The following MAML2 variants were observed in gnomAD, a reference collection of about 807,000 sequenced individuals.
MAML2 encodes mastermind-like protein 2.
MAML2 carries 22 observed loss-of-function variants against 96.1 expected under a neutral mutation model. The ratio of observed to expected loss-of-function variants is 0.23; its 90% CI spans 0.16 to 0.33. MAML2 has a LOEUF of 0.33. Ranked by LOEUF, MAML2 falls within the 10% of genes least tolerant of loss-of-function variation. The pLI, the probability that MAML2 is intolerant of heterozygous loss-of-function variation, is 1.00. For synonymous variants in MAML2, 561 were observed against 521.3 expected (o/e 1.08, Z -1.04); for missense variants, 1,367 against 1,392.4 (o/e 0.98, Z 0.29).
intron 2 of MAML2, among the ~76,000 whole-genome samples, chr11:96,044,782 T>C (rs1366933269): frequency 1.3e-5 from 2 of 152,196 alleles, no homozygotes; most frequent in Non-Finnish European, 2.9e-5. Flanking sequence ...GTCTCACCTA[T>C]TTGGAAATGA....
intron 2 of MAML2, among the ~76,000 whole-genome samples, chr11:96,011,015 G>C (rs1858257429): frequency 6.6e-6 from 1 of 152,120 alleles, no homozygotes; most frequent in East Asian, 1.9e-4. Flanking sequence ...TTCAAAAATG[G>C]TTATGCTTAC....
intron 2 of MAML2, among the ~76,000 whole-genome samples, chr11:96,021,713 C>T (rs1858438112): frequency 6.6e-6 from 1 of 152,190 alleles, no homozygotes; most frequent in Admixed American, 6.5e-5. Context: ...ACCCCTTTCC[C>T]CCATCGTGCA....
intron 2 of MAML2, among the ~76,000 whole-genome samples, chr11:96,032,202 G>C (rs1460235064): frequency 6.6e-6 from 1 of 151,956 alleles, no homozygotes; most frequent in Non-Finnish European, 1.5e-5. Context: ...AGCCACTTTG[G>C]AGAACAGGTT....
intron 1 of MAML2, among the ~76,000 whole-genome samples, chr11:96,164,921 A>G (rs1861168233): frequency 6.6e-6 from 1 of 152,220 alleles, no homozygotes; most frequent in Admixed American, 6.5e-5. Flanking sequence ...ATATATTTCC[A>G]TAAATGTCTT....
rs146014693 is a variant in MAML2, at chr11:96,283,532, T to C, written c.513+57851A>G. Among the ~76,000 whole-genome samples the C allele has an allele frequency of 1.4e-4, 21 of 152,338 alleles. No homozygotes were observed. In the East Asian group the frequency reaches 1.9e-3, roughly 14 times the overall value. ...CACTAATGAATGATTCCTTTTGCCTTGAAGAACTAAAAATTTCTTAGTTGA... is the reference window on the plus strand; with the variant it reads ...CACTAATGAATGATTCCTTTTGCCTCGAAGAACTAAAAATTTCTTAGTTGA... On this transcript the variant is annotated intron_variant, in intron 1 of 4. Coordinates refer to ENST00000524717, the MANE Select transcript of MAML2 (RefSeq NM_032427.4).
intron 1 of MAML2, among the ~76,000 whole-genome samples, chr11:96,299,848 T>A (rs7117627): frequency 0.16 from 23,979 of 152,096 alleles, 2,111 homozygotes; most frequent in East Asian, 0.25. Flanking sequence ...TGACTACCCG[T>A]ACTGAAATCC....
chr11:96,104,283 G>A lies in MAML2; in HGVS notation c.514-10766C>T, dbSNP rs182406455. 1.9e-3 allele frequency among the ~76,000 whole-genome samples: 293 copies of A among 152,240 alleles called. 2 individuals carry two copies. Among genetic ancestry groups the A allele is most frequent in the Non-Finnish European group, 3.0e-3 (202 of 68,008 alleles). ...ATCCAAATAAATATAAAATAAAAAA[G>A]ATTATTTAAAGCAAATAAAAATGTG... On this transcript the variant is annotated intron_variant, in intron 1 of 4. Transcript: ENST00000524717.
At chr11:96,201,735 C>A (rs910353952) in intron 1 of MAML2, among the ~76,000 whole-genome samples, 24 of 151,716 alleles carry the variant, frequency 1.6e-4, no homozygotes, top group Admixed American at 5.3e-4. Context: ...CTGGCTAACA[C>A]GGTGAAACCC....
intron 1 of MAML2, among the ~76,000 whole-genome samples, chr11:96,261,601 C>T (rs1464762798): frequency 1.3e-5 from 2 of 152,172 alleles, no homozygotes; most frequent in Non-Finnish European, 2.9e-5. Context: ...TACCCCAAGT[C>T]CTTCTGATAA....
chr11:96,145,625 C>G (rs1005942458), intron 1 of MAML2, among the ~76,000 whole-genome samples: 2 of 152,120 alleles, frequency 1.3e-5, no homozygotes, highest in Non-Finnish European at 2.9e-5. Context: ...TAACCTGTTA[C>G]TTGTTGTGTT....
chr11:96,318,356 C>T (rs1430820200), intron 1 of MAML2, among the ~76,000 whole-genome samples: 2 of 152,134 alleles, frequency 1.3e-5, no homozygotes, highest in Non-Finnish European at 2.9e-5. Flanking sequence ...CCGATATGAT[C>T]GGACCCCAAA....
chr11:96,327,711 G>T (rs938168360), intron 1 of MAML2, among the ~76,000 whole-genome samples: 1 of 151,808 alleles, frequency 6.6e-6, no homozygotes, highest in Admixed American at 6.6e-5. Context: ...GAGCAACTGC[G>T]CCCGGCCCTT....
intron 1 of MAML2, among the ~76,000 whole-genome samples, chr11:96,214,898 G>A (rs1862026412): frequency 6.6e-6 from 1 of 152,236 alleles, no homozygotes; most frequent in Non-Finnish European, 1.5e-5. Context: ...CTCAGATCCA[G>A]TGAGGAAGTA....
intron 1 of MAML2, among the ~76,000 whole-genome samples, chr11:96,253,084 C>T (rs1862608955): frequency 6.6e-6 from 1 of 152,148 alleles, no homozygotes; most frequent in African/African-American, 2.4e-5. Context: ...CAGAAATACC[C>T]AAGGCTCTGC....
intron 2 of MAML2, among the ~76,000 whole-genome samples, chr11:96,083,284 A>G (rs1447601461): frequency 6.6e-6 from 1 of 152,226 alleles, no homozygotes; most frequent in African/African-American, 2.4e-5. Flanking sequence ...ATTTCTGCTT[A>G]TAAACTACCT....
At position 96,275,983 on chromosome 11, in the gene MAML2, C is replaced by G. The variant is rs80293631; in HGVS notation, c.513+65400G>C. Among the ~76,000 whole-genome samples the G allele has an allele frequency of 2.9e-3, 446 of 152,254 alleles. 2 individuals are homozygous for G. Among genetic ancestry groups the G allele is most frequent in the African/African-American group, 0.01 (427 of 41,568 alleles). On this transcript the variant is annotated intron_variant, in intron 1 of 4. Coordinates refer to ENST00000524717, the MANE Select transcript of MAML2 (RefSeq NM_032427.4). ...GGGTTTTAGAACGACTGGAAAATGT[C>G]TAGCATGGTGAGTAGGCTAAGTAAG... is the stretch of plus-strand genomic sequence containing the variant.
At chr11:96,138,648 C>T (rs1027209066) in intron 1 of MAML2, among the ~76,000 whole-genome samples, 2 of 151,916 alleles carry the variant, frequency 1.3e-5, no homozygotes, top group African/African-American at 2.4e-5. Context: ...TAATGATTGC[C>T]GGGTAAACCA....
At chr11:96,180,842 C>T (rs563660695) in intron 1 of MAML2, among the ~76,000 whole-genome samples, 26 of 151,720 alleles carry the variant, frequency 1.7e-4, no homozygotes, top group South Asian at 1.5e-3. Context: ...AAAGAGTCAG[C>T]GAAGGGAGAT....
At chr11:96,020,569 A>G (rs1283137666) in intron 2 of MAML2, among the ~76,000 whole-genome samples, 1 of 152,136 alleles carries the variant, frequency 6.6e-6, no homozygotes. Flanking sequence ...GAGTTTCTGA[A>G]TCTCTAACGA....
Sources: allele counts gnomAD v4.1 joint callset (sites outside exome capture counted in the v4.1 genomes callset), GRCh38; gene constraint gnomAD v4.1.1; transcripts MANE v1.5; gene names NCBI Gene and HGNC (gene_info 2026-07-23, HGNC 2026-07-21).